NUTM2E: variants seen among roughly 807,000 people sequenced by gnomAD.
NUTM2E encodes NUT family member 2E, also known as family with sequence similarity 22, member E.
Under a neutral mutation model 26.1 loss-of-function variants are expected in NUTM2E, and 3 were observed. That is an observed-to-expected ratio of 0.12 (90% confidence interval 0.05 to 0.30). The LOEUF (loss-of-function observed/expected upper bound fraction) is 0.30, where lower values mean the gene tolerates loss of function less well. Among genes scored for constraint, NUTM2E ranks in the 10% least tolerant of loss-of-function variants. NUTM2E has a pLI of 1.00. For missense variants in NUTM2E, 62 were observed against 381.3 expected (o/e 0.16, Z 6.97); for synonymous variants, 13 against 157.5 (o/e 0.08, Z 6.87).
At chr10:79,839,144 A>G (rs959111391) in intron 3 of NUTM2E, among the ~76,000 whole-genome samples, 29 bp downstream of exon 3, 3 of 151,668 alleles carry the variant, frequency 2.0e-5, no homozygotes, top group African/African-American at 4.8e-5. Flanking sequence ...CCATGCACCT[A>G]GGTAACACCC....
chr10:79,834,681 ATC>A (rs1841949764), intron 1 of NUTM2E, among the ~76,000 whole-genome samples: 1 of 150,044 alleles, frequency 6.7e-6, no homozygotes, highest in Non-Finnish European at 1.5e-5. Flanking sequence ...AAAAAAAAAA[ATC>A]AAAATAAAAT....
intron 1 of NUTM2E, among the ~76,000 whole-genome samples, chr10:79,837,394 A>C (rs2132417005): frequency 6.6e-6 from 1 of 152,216 alleles, no homozygotes; most frequent in East Asian, 1.9e-4. Flanking sequence ...ATTTCAAGTT[A>C]TCTGCTGGGA....
intron 1 of NUTM2E, among the ~76,000 whole-genome samples, chr10:79,833,903 T>C (rs981491451): frequency 1.3e-5 from 2 of 151,798 alleles, no homozygotes; most frequent in Non-Finnish European, 2.9e-5. Flanking sequence ...TATAAAGACA[T>C]ATGCACATGT....
In NUTM2E at chr10:79,839,093, G is replaced by A. The variant is rs1042221316; in HGVS notation, c.-2136G>A. Among the ~76,000 whole-genome samples, 6 of 151,384 alleles carry A rather than the reference G, an allele frequency of 4.0e-5. No homozygotes were observed. The highest frequency in any genetic ancestry group is 1.9e-4 in the East Asian group (1 of 5,142). On this transcript the variant is annotated 5_prime_UTR_variant, in exon 3 of 10. Coordinates refer to ENST00000429984, the MANE Select transcript of NUTM2E (RefSeq NM_001355263.2). ...GTGCCTCTGAGAAACCAGCGCGTCC[G>A]CAACGATCACTCCTAATTTTCGGTA...
chr10:79,848,806 C>G lies in NUTM2E; in HGVS notation c.1645C>G (p.Gln549Glu), dbSNP rs574528341. ...EKQREEGKVKQPQEEDWTPPD... is the reference protein window; with the variant it reads ...EKQREEGKVKEPQEEDWTPPD... ...ACAACGGGAAGAGGGCAAAGTGAAG[C>G]AGCCACAGGAAGAGGACTGGACGCC... The change falls in exon 8 of 10, where the codon CAG (glutamine) becomes GAG (glutamate). Residue 549 changes from glutamine to glutamate, a missense_variant. By Grantham distance (29) the Gln-to-Glu change is conservative (BLOSUM62 2). Coordinates refer to ENST00000429984, the MANE Select transcript of NUTM2E (RefSeq NM_001355263.2). 6.1e-4 allele frequency: 328 copies of G among 534,822 alleles called. 61 individuals carry two copies. In the African/African-American group the frequency reaches 8.0e-3, roughly 13 times the overall value. 33.1% of individuals were successfully genotyped at this position (534,822 alleles called of 1,614,324 possible).
intron 1 of NUTM2E, among the ~76,000 whole-genome samples, chr10:79,836,772 T>C (rs1019081769): frequency 6.6e-6 from 1 of 152,014 alleles, no homozygotes; most frequent in Non-Finnish European, 1.5e-5. Context: ...AATTTATAGC[T>C]GTTTTTTAAA....
At chr10:79,829,354 C>T (rs1765767360) in intron 1 of NUTM2E, among the ~76,000 whole-genome samples, 1 of 151,418 alleles carries the variant, frequency 6.6e-6, no homozygotes, top group South Asian at 2.1e-4. Context: ...CATTCTAGTA[C>T]AATATTTCTT....
intron 1 of NUTM2E, among the ~76,000 whole-genome samples, chr10:79,828,396 T>C (rs546986819): frequency 6.6e-6 from 1 of 152,042 alleles, no homozygotes; most frequent in South Asian, 2.1e-4. Context: ...GTAACAAGAA[T>C]CCACTGAAGA....
At position 79,838,600 on chromosome 10, in the gene NUTM2E, A is replaced by G. The variant is rs1237481107; in HGVS notation, c.-2450+14A>G. Among the ~76,000 whole-genome samples, 1 of 148,840 alleles carries G rather than the reference A, an allele frequency of 6.7e-6. No homozygotes were observed. Among genetic ancestry groups the G allele is most frequent in the Non-Finnish European group, 1.5e-5 (1 of 66,916 alleles). ...CTTCAGGGCCAGGTGAGCAAGGGAA[A>G]GGAGCGCGGCCTGGGCATCCCGCAG... On this transcript the variant is annotated intron_variant, in intron 2 of 9. Transcript: ENST00000429984.
At position 79,840,862 on chromosome 10, in the gene NUTM2E, G is replaced by A. The variant is rs1306042615; in HGVS notation, c.-879G>A. 8.1e-6 allele frequency among the ~76,000 whole-genome samples: 1 copy of A among 124,098 alleles called. No homozygotes were observed. The allele number at this position is 124,098 out of a possible 152,430, so 81.4% of individuals were successfully genotyped here. ...GTGTGTCTCAGAAGATTTTGTTGCT[G>A]TGCTCTGAGTTCTCACTCCTCATCT... On this transcript the variant is annotated 5_prime_UTR_variant, in exon 4 of 10. The change creates a new upstream start codon in the 5' untranslated region. Transcript: ENST00000429984.
chr10:79,828,747 C>T (rs1841907592), intron 1 of NUTM2E, among the ~76,000 whole-genome samples: 1 of 151,852 alleles, frequency 6.6e-6, no homozygotes, highest in Admixed American at 6.6e-5. Context: ...AAGTTTTATA[C>T]ATATCCTTCC....
intron 1 of NUTM2E, among the ~76,000 whole-genome samples, chr10:79,830,120 T>G (rs2132412356): frequency 6.6e-6 from 1 of 151,822 alleles, no homozygotes; most frequent in South Asian, 2.1e-4. Flanking sequence ...AAAAAAATCT[T>G]AACATTACAT....
intron 1 of NUTM2E, among the ~76,000 whole-genome samples, chr10:79,829,439 A>G (rs1841912989): frequency 6.6e-6 from 1 of 151,868 alleles, no homozygotes. Context: ...AAACACTAAC[A>G]TAAAAAGGTT....
Position 79,838,847 on chromosome 10 carries a change from C to T in NUTM2E, c.-2382C>T, listed in dbSNP as rs897228306. On this transcript the variant is annotated 5_prime_UTR_variant, in exon 3 of 10. Coordinates refer to ENST00000429984, the MANE Select transcript of NUTM2E (RefSeq NM_001355263.2). Reference sequence around the variant, plus strand: ...CACCGCCCTTTGCTCTCGCGCTGCGCGTCTCCCTGCCATCAACCGCCGCAA... The same window carrying T: ...CACCGCCCTTTGCTCTCGCGCTGCGTGTCTCCCTGCCATCAACCGCCGCAA... Among the ~76,000 whole-genome samples the T allele has an allele frequency of 3.3e-5, 5 of 151,306 alleles. No homozygotes were observed. The highest frequency in any genetic ancestry group is 1.2e-4 in the African/African-American group (5 of 41,170).
chr10:79,836,207 A>G (rs1841962725), intron 1 of NUTM2E, among the ~76,000 whole-genome samples: 1 of 151,868 alleles, frequency 6.6e-6, no homozygotes, highest in African/African-American at 2.4e-5. Flanking sequence ...CTTTAAAAAA[A>G]ATCAGACCAT....
Position 79,838,808 on chromosome 10 carries a change from G to A in NUTM2E, c.-2421G>A, listed in dbSNP as rs1305589998. 5.3e-5 allele frequency among the ~76,000 whole-genome samples: 8 copies of A among 151,904 alleles called. No homozygotes were observed. Among genetic ancestry groups the A allele is most frequent in the East Asian group, 2.0e-4 (1 of 5,094 alleles). ...ACACCAAGAAGGACGCCATGAGAGC[G>A]AAGGCCGTTGGGTCACCGCCCTTTG... is the stretch of plus-strand genomic sequence containing the variant. On this transcript the variant is annotated 5_prime_UTR_variant, in exon 3 of 10. Coordinates refer to ENST00000429984, the MANE Select transcript of NUTM2E (RefSeq NM_001355263.2).
At chr10:79,839,136 A>G (rs1403261384) in intron 3 of NUTM2E, among the ~76,000 whole-genome samples, 21 bp downstream of exon 3, 1 of 151,694 alleles carries the variant, frequency 6.6e-6, no homozygotes, top group Non-Finnish European at 1.5e-5. Flanking sequence ...CCTGCAGTCC[A>G]TGCACCTAGG....
chr10:79,828,628 T>G (rs983616601), intron 1 of NUTM2E, among the ~76,000 whole-genome samples: 11 of 151,940 alleles, frequency 7.2e-5, no homozygotes, highest in Admixed American at 2.6e-4. Flanking sequence ...GTTTAGGACT[T>G]TTGAATGAGG....
intron 1 of NUTM2E, among the ~76,000 whole-genome samples, chr10:79,832,767 C>T (rs977348255): frequency 1.3e-5 from 2 of 151,666 alleles, no homozygotes; most frequent in Admixed American, 6.6e-5. Flanking sequence ...TCCCAATAAC[C>T]TATTTTAATT....
Sources: allele counts gnomAD v4.1 joint callset (sites outside exome capture counted in the v4.1 genomes callset), GRCh38; gene constraint gnomAD v4.1.1; transcripts MANE v1.5; gene names NCBI Gene and HGNC (gene_info 2026-07-23, HGNC 2026-07-21).